PDZD2: variants seen among roughly 807,000 people sequenced by gnomAD.
The protein encoded by PDZD2 is PDZ domain containing 2.
Under a neutral mutation model 220.7 loss-of-function variants are expected in PDZD2, and 90 were observed. The ratio of observed to expected loss-of-function variants is 0.41; its 90% CI spans 0.34 to 0.49. PDZD2 has a LOEUF of 0.49. PDZD2 is among the 20% of genes least tolerant of loss of function. The probability of loss-of-function intolerance (pLI) is 0.28; values close to 1 mark genes in which losing one functional copy is unlikely to be tolerated. For synonymous variants in PDZD2, 1,375 were observed against 1,450.5 expected, an observed-to-expected ratio of 0.95 and a Z score of 1.18; for missense variants, 3,174 against 3,608.5, an observed-to-expected ratio of 0.88 and a Z score of 3.08.
intron 7 of PDZD2, among the ~76,000 whole-genome samples, chr5:32,041,340 C>G (rs1408873291): frequency 6.6e-6 from 1 of 151,068 alleles, no homozygotes; most frequent in South Asian, 2.1e-4. Flanking sequence ...CCCAACAGCT[C>G]CGAAGAGACA....
intron 1 of PDZD2, among the ~76,000 whole-genome samples, chr5:31,729,508 A>T (rs1299516047): frequency 6.6e-6 from 1 of 152,208 alleles, no homozygotes; most frequent in Non-Finnish European, 1.5e-5. Flanking sequence ...TGTTGCTCAG[A>T]TCACACTGCC....
intron 6 of PDZD2, among the ~76,000 whole-genome samples, chr5:32,036,190 T>C (rs1269330842): frequency 6.6e-5 from 10 of 152,100 alleles, no homozygotes; most frequent in African/African-American, 2.4e-4. Flanking sequence ...ATGGTCTCGA[T>C]CTCCTGACCT....
chr5:32,080,272 C>A (rs569088310), intron 19 of PDZD2, among the ~76,000 whole-genome samples: 2 of 140,342 alleles, frequency 1.4e-5, no homozygotes, highest in South Asian at 2.5e-4. Context: ...GGTGTGAACC[C>A]GGGAGGTGGA....
At chr5:31,949,040 C>G (rs1201074272) in intron 2 of PDZD2, among the ~76,000 whole-genome samples, 1 of 139,176 alleles carries the variant, frequency 7.2e-6, no homozygotes, top group Non-Finnish European at 1.5e-5. Context: ...GGAGGTTGCA[C>G]TGAGCTGAGA....
Position 31,677,550 on chromosome 5 carries a change from A to T in PDZD2, c.-361+38113A>T, listed in dbSNP as rs1197598282. Among the ~76,000 whole-genome samples, 5 of 4,466 alleles carry T rather than the reference A, an allele frequency of 1.1e-3. 2 individuals are homozygous for T. Among genetic ancestry groups the T allele is most frequent in the African/African-American group, 2.0e-3 (5 of 2,484 alleles). 2.9% of individuals were successfully genotyped at this position (4,466 alleles called of 152,430 possible). ...AGAATGGCGTGAACCCCGGAGGCGG[A>T]GCTTGCAGTGAGCCGAGATTGCGCC... On this transcript the variant is annotated intron_variant, in intron 1 of 24. Coordinates refer to ENST00000438447, the MANE Select transcript of PDZD2 (RefSeq NM_178140.4).
rs116302046 is a variant in PDZD2 at position 31,886,428 on chromosome 5, G to A, written c.476+86704G>A. Among the ~76,000 whole-genome samples, 1,507 of 152,114 alleles carry A rather than the reference G, an allele frequency of 9.9e-3. 13 individuals are homozygous for A. The highest frequency in any genetic ancestry group is 0.037 in the Middle Eastern group (11 of 294). On this transcript the variant is annotated intron_variant, in intron 2 of 24. Transcript: ENST00000438447. ...TCCCAGCTTGCTGAGCTTGCTGCCC[G>A]GACTCCCTTCCTCTCTCCTCTCTCC...
intron 1 of PDZD2, among the ~76,000 whole-genome samples, chr5:31,653,725 G>A (rs1408086952): frequency 6.6e-6 from 1 of 152,076 alleles, no homozygotes; most frequent in Non-Finnish European, 1.5e-5. Context: ...ATCTTTATTT[G>A]ACACCTACTA....
chr5:31,964,864 C>T (rs1298195975), intron 2 of PDZD2, among the ~76,000 whole-genome samples: 3 of 152,106 alleles, frequency 2.0e-5, no homozygotes, highest in Non-Finnish European at 2.9e-5. Context: ...TACAGGCACC[C>T]GCCACCACGC....
chr5:31,854,303 C>T (rs1272436819), intron 2 of PDZD2, among the ~76,000 whole-genome samples: 2 of 152,186 alleles, frequency 1.3e-5, no homozygotes, highest in African/African-American at 4.8e-5. Context: ...ACTCAGGCCT[C>T]CTGGGGGAGG....
chr5:31,974,095 T>A (rs574405205), intron 2 of PDZD2, among the ~76,000 whole-genome samples: 2 of 152,172 alleles, frequency 1.3e-5, no homozygotes. Context: ...ATTCTCCTGT[T>A]TCAGCCTCCC....
chr5:31,847,973 G>A, intron 2 of PDZD2: 2 of 423,642 alleles, frequency 4.7e-6, no homozygotes, highest in South Asian at 3.9e-5. Context: ...AGACATGATG[G>A]GGATGTATAA....
At chr5:31,746,894 C>T (rs750507874) in intron 1 of PDZD2, among the ~76,000 whole-genome samples, 7 of 152,168 alleles carry the variant, frequency 4.6e-5, no homozygotes, top group Non-Finnish European at 5.9e-5. Context: ...GTAGGTCATG[C>T]GCTGGGCGTG....
At chr5:32,075,183 T>G (rs1038427677) in intron 18 of PDZD2, among the ~76,000 whole-genome samples, 1 of 152,140 alleles carries the variant, frequency 6.6e-6, no homozygotes, top group African/African-American at 2.4e-5. Flanking sequence ...AGAATCTCTG[T>G]CTTACCTGTA....
rs61675053 is a variant in PDZD2, at chr5:31,856,908, C to CTATA, written c.476+57209_476+57212dup. On this transcript the variant is annotated intron_variant, in intron 2 of 24. Coordinates refer to ENST00000438447, the MANE Select transcript of PDZD2 (RefSeq NM_178140.4). The stretch of plus-strand genomic sequence containing the variant: ...GCGTGAGCTTCCCTCCTTATCAAAA[C>CTATA]TATATATATATATATATATATATAT... Among the ~76,000 whole-genome samples, 1,023 of 140,622 alleles carry CTATA rather than the reference C, an allele frequency of 7.3e-3. 4 individuals are homozygous for CTATA. Among genetic ancestry groups the CTATA allele is most frequent in the African/African-American group, 0.022 (844 of 39,192 alleles). 92.3% of individuals were successfully genotyped at this position (140,622 alleles called of 152,430 possible). A position where few individuals can be genotyped will look rare whatever the true frequency, so the allele number is the denominator to read the frequency against.
intron 2 of PDZD2, among the ~76,000 whole-genome samples, chr5:31,914,922 C>T (rs944303019): frequency 6.6e-6 from 1 of 152,068 alleles, no homozygotes; most frequent in Non-Finnish European, 1.5e-5. Flanking sequence ...TTACAGTGAG[C>T]CTGGCGGGGA....
At chr5:32,042,031 CGGTG>C (rs1756218889) in intron 7 of PDZD2, among the ~76,000 whole-genome samples, 2 of 38,724 alleles carry the variant, frequency 5.2e-5, no homozygotes, top group Admixed American at 2.7e-4. Context: ...CTGGCTAACA[CGGTG>C]AAACCCTCAG....
chr5:31,917,650 C>T (rs1743806718), intron 2 of PDZD2, among the ~76,000 whole-genome samples: 1 of 152,202 alleles, frequency 6.6e-6, no homozygotes, highest in Non-Finnish European at 1.5e-5. Context: ...TGTTCTCACA[C>T]TACTCTAAAG....
At chr5:31,912,251 G>A (rs1165101124) in intron 2 of PDZD2, among the ~76,000 whole-genome samples, 1 of 152,178 alleles carries the variant, frequency 6.6e-6, no homozygotes, top group Non-Finnish European at 1.5e-5. Flanking sequence ...TTCATAGACG[G>A]TGCCTTCTTG....
At chr5:32,075,850 G>A (rs1741234521) in intron 18 of PDZD2, among the ~76,000 whole-genome samples, 1 of 152,048 alleles carries the variant, frequency 6.6e-6, no homozygotes, top group Admixed American at 6.6e-5. Context: ...AACTATACCA[G>A]GCAAAAGTCG....
Sources: gnomAD v4.1 joint callset for allele counts (sites outside exome capture counted in the v4.1 genomes callset) on GRCh38, gnomAD v4.1.1 for gene constraint, MANE v1.5 for transcripts, NCBI Gene and HGNC (gene_info 2026-07-23, HGNC 2026-07-21) for gene names.